Variants in ST7L observed in about 807,000 individuals in gnomAD.
ST7L encodes suppressor of tumorigenicity 7 protein-like.
A neutral mutation model predicts 72.5 loss-of-function variants in ST7L; 57 were observed. The observed-to-expected ratio is 0.79, with a 90% CI of 0.64 to 0.98. ST7L has a LOEUF of 0.98. Ranked by LOEUF, ST7L falls within the 50% of genes least tolerant of loss-of-function variation. The probability of loss-of-function intolerance (pLI) is 0.00; values close to 1 mark genes in which losing one functional copy is unlikely to be tolerated. For missense variants in ST7L, 576 were observed against 672.2 expected, an observed-to-expected ratio of 0.86 and a Z score of 1.58; for synonymous variants, 221 against 240.9, an observed-to-expected ratio of 0.92 and a Z score of 0.77.
intron 14 of ST7L, chr1:112,540,537 T>C (rs1655937816): frequency 3.0e-6 from 3 of 985,454 alleles, no homozygotes; most frequent in Non-Finnish European, 3.6e-6. Flanking sequence ...TCATTCTTCT[T>C]GAAGTTTGAC....
chr1:112,558,967 T>C (rs1247597990), intron 11 of ST7L, among the ~76,000 whole-genome samples: 2 of 152,186 alleles, frequency 1.3e-5, no homozygotes, highest in African/African-American at 4.8e-5. Context: ...CACAGTGGAA[T>C]TGTCATAATA....
chr1:112,617,870 A>C, intron 1 of ST7L: 1 of 555,028 alleles, frequency 1.8e-6, no homozygotes, highest in Non-Finnish European at 2.8e-6. Context: ...CATAGAAACC[A>C]CCGTTAAGCA....
At chr1:112,568,859 TAA>T (rs1491497700) in intron 11 of ST7L, among the ~76,000 whole-genome samples, 37 of 88,370 alleles carry the variant, frequency 4.2e-4, no homozygotes, top group African/African-American at 1.8e-3. Context: ...AATATAAATA[TAA>T]ATATATATAT....
intron 3 of ST7L, among the ~76,000 whole-genome samples, chr1:112,606,241 G>A (rs1668219444): frequency 6.6e-6 from 1 of 152,172 alleles, no homozygotes; most frequent in Admixed American, 6.5e-5. Flanking sequence ...TCTTCAAGTT[G>A]TGGTTCCTTT....
At chr1:112,589,694 C>A (rs1330646885) in intron 6 of ST7L, among the ~76,000 whole-genome samples, 1 of 152,130 alleles carries the variant, frequency 6.6e-6, no homozygotes, top group Non-Finnish European at 1.5e-5. Flanking sequence ...CAAAACCAAA[C>A]AAAACACAAA....
chr1:112,536,554 G>A (rs1655242907), intron 14 of ST7L, among the ~76,000 whole-genome samples: 1 of 152,082 alleles, frequency 6.6e-6, no homozygotes, highest in African/African-American at 2.4e-5. Context: ...AATTTGGGAA[G>A]AAAAATTTTA....
At chr1:112,617,890 C>G (rs984796248) in intron 1 of ST7L, 54 of 763,666 alleles carry the variant, frequency 7.1e-5, no homozygotes, top group Non-Finnish European at 9.8e-5. Context: ...ACTTCATTCA[C>G]CTGTTACAGA....
chr1:112,619,640 T>A (rs1339145077), upstream of ST7L: 7 of 573,166 alleles, frequency 1.2e-5, no homozygotes, highest in African/African-American at 1.3e-4. Context: ...AGACTTCAAA[T>A]CACCTAAGGC....
intron 3 of ST7L, among the ~76,000 whole-genome samples, chr1:112,603,660 G>A (rs139540076): frequency 0.02 from 3,068 of 152,242 alleles, 106 homozygotes; most frequent in African/African-American, 0.069. Context: ...TCAGGCTGCC[G>A]TAACAAAATA....
Position 112,615,588 on chromosome 1 carries a change from T to C in ST7L, c.288+1225A>G, listed in dbSNP as rs1309961214. Among the ~76,000 whole-genome samples the C allele has an allele frequency of 2.6e-5, 4 of 152,138 alleles. No homozygotes were observed. The East Asian group carries it at 7.7e-4, about 29-fold the overall frequency. On this transcript the variant is annotated intron_variant, in intron 2 of 14. Coordinates refer to ENST00000358039, the MANE Select transcript of ST7L (RefSeq NM_017744.5). Reference sequence around the variant, plus strand: ...TACTAGGGAGGCTGAGACGGGAGGATGGCTTGAGCCCAGGAGTTAAGGCCA... The same window carrying C: ...TACTAGGGAGGCTGAGACGGGAGGACGGCTTGAGCCCAGGAGTTAAGGCCA...
At chr1:112,537,000 CTT>C (rs988566476) in intron 14 of ST7L, among the ~76,000 whole-genome samples, 2 of 144,116 alleles carry the variant, frequency 1.4e-5, no homozygotes, top group Non-Finnish European at 3.1e-5. Flanking sequence ...CAACTAGGGA[CTT>C]TTTTTTTTTT....
At chr1:112,578,289 G>T in intron 10 of ST7L, 56 bp downstream of exon 10, 1 of 1,461,344 alleles carries the variant, frequency 6.8e-7, no homozygotes, top group Non-Finnish European at 9.6e-7. Flanking sequence ...TAGAGGACAA[G>T]CATAATACTG....
intron 11 of ST7L, among the ~76,000 whole-genome samples, chr1:112,567,833 T>C (rs1661294138): frequency 6.6e-6 from 1 of 152,154 alleles, no homozygotes; most frequent in South Asian, 2.1e-4. Context: ...TTTATAGTAA[T>C]TATTTTATAT....
intron 13 of ST7L, among the ~76,000 whole-genome samples, chr1:112,542,556 A>G (rs1291858296): frequency 1.3e-5 from 2 of 152,016 alleles, no homozygotes; most frequent in African/African-American, 4.8e-5. Context: ...CAGGCATGCG[A>G]CACTAACCTA....
intron 1 of ST7L, 118 bp from the exon 2 acceptor site, chr1:112,617,013 A>G (rs1669989474): frequency 1.6e-6 from 1 of 622,578 alleles, no homozygotes; most frequent in East Asian, 3.1e-5. Context: ...TCTAGTGTGA[A>G]ATTCACTTGA....
intron 6 of ST7L, among the ~76,000 whole-genome samples, chr1:112,589,053 T>C (rs1665284039): frequency 6.6e-6 from 1 of 152,162 alleles, no homozygotes; most frequent in African/African-American, 2.4e-5. Flanking sequence ...ATTTTTCATT[T>C]TAGTTATGCT....
At chr1:112,545,405 T>A (rs1481300110) in intron 13 of ST7L, among the ~76,000 whole-genome samples, 1 of 152,214 alleles carries the variant, frequency 6.6e-6, no homozygotes, top group African/African-American at 2.4e-5. Context: ...AAGGAGGGCA[T>A]TATTTTAGGC....
chr1:112,591,646 AT>A (rs1665744897), intron 5 of ST7L, 43 bp from the exon 6 acceptor site: 1 of 1,485,836 alleles, frequency 6.7e-7, no homozygotes, highest in Non-Finnish European at 9.3e-7. Context: ...TGGTAAAAAA[AT>A]AATCTGCAAA....
intron 5 of ST7L, among the ~76,000 whole-genome samples, chr1:112,592,411 A>G (rs983476246): frequency 9.9e-5 from 15 of 152,226 alleles, no homozygotes; most frequent in African/African-American, 3.6e-4. Flanking sequence ...GAAACAAAAT[A>G]TTAGTCTCAG....
Sources: allele counts gnomAD v4.1 joint callset (sites outside exome capture counted in the v4.1 genomes callset), GRCh38; gene constraint gnomAD v4.1.1; transcripts MANE v1.5; gene names NCBI Gene and HGNC (gene_info 2026-07-23, HGNC 2026-07-21).